Variants in SNIP1 observed in about 807,000 individuals in gnomAD.
The protein encoded by SNIP1 is Smad nuclear interacting protein 1.
In SNIP1, 23 loss-of-function variants were observed where a neutral mutation model predicts 37.4. The observed-to-expected ratio is 0.61, with a 90% CI of 0.44 to 0.87. The LOEUF (loss-of-function observed/expected upper bound fraction) is 0.87, where lower values mean the gene tolerates loss of function less well. SNIP1 is among the 40% of genes least tolerant of loss of function. The pLI, the probability that SNIP1 is intolerant of heterozygous loss-of-function variation, is 0.00. For missense variants in SNIP1, 459 were observed against 540.4 expected (o/e 0.85, Z 1.49); for synonymous variants, 174 against 200.0 (o/e 0.87, Z 1.10).
intron 2 of SNIP1, among the ~76,000 whole-genome samples, chr1:37,552,170 CA>C (rs565257999): frequency 1.8e-3 from 270 of 152,124 alleles, no homozygotes; most frequent in African/African-American, 6.1e-3. Flanking sequence ...CTTGAAATGA[CA>C]AAATTATAGA....
rs950749390 is a variant in SNIP1 at position 37,537,778 on chromosome 1, C to G, written c.1161G>C (p.Glu387Asp). Residue 387 changes from glutamate (E) to aspartate (D), a missense_variant, in exon 4 of 4, where the codon GAG (glutamate) becomes GAC (aspartate). Transcript: ENST00000296215. ...SEIDRKDDEDEEEEEEVSDS is the reference protein window; with the variant it reads ...SEIDRKDDEDDEEEEEVSDS ...TGTCAGACACTTCTTCCTCCTCCTC[C>G]TCATCCTCGTCATCTTTCCTGTCTA... 1 of 1,614,064 alleles carries G rather than the reference C, an allele frequency of 6.2e-7. No homozygotes were observed. The highest frequency in any genetic ancestry group is 8.5e-7 in the Non-Finnish European group (1 of 1,179,940).
At chr1:37,543,018 C>T (rs1268913537) in intron 2 of SNIP1, among the ~76,000 whole-genome samples, 2 of 150,860 alleles carry the variant, frequency 1.3e-5, no homozygotes, top group Admixed American at 1.3e-4. Context: ...TATGATCATA[C>T]CACTGCAGTC....
chr1:37,549,587 A>AT (rs1643279594), intron 2 of SNIP1, among the ~76,000 whole-genome samples: 1 of 152,052 alleles, frequency 6.6e-6, no homozygotes, highest in Non-Finnish European at 1.5e-5. Context: ...TAATTTTTGT[A>AT]TTTTTTGTAC....
Position 37,536,976 on chromosome 1 carries a change from A to G in SNIP1, c.*772T>C, listed in dbSNP as rs1643105393. 1 of 152,258 alleles carries G rather than the reference A, an allele frequency of 6.6e-6. No individual in the cohort carries two copies. Among genetic ancestry groups the G allele is most frequent in the African/African-American group, 2.4e-5 (1 of 41,462 alleles). 9.4% of individuals were successfully genotyped at this position (152,258 alleles called of 1,614,324 possible). On this transcript the variant is annotated 3_prime_UTR_variant, in exon 4 of 4. Coordinates refer to ENST00000296215, the MANE Select transcript of SNIP1 (RefSeq NM_024700.4). ...AAAATGCAAAACTGAAGTACAGTTA[A>G]TATGATCAAAATTGTTGTGTACATG... is the stretch of plus-strand genomic sequence containing the variant.
intron 2 of SNIP1, among the ~76,000 whole-genome samples, chr1:37,551,074 GACACACACAC>G (rs55724495): frequency 3.1e-4 from 44 of 143,922 alleles, no homozygotes; most frequent in African/African-American, 6.2e-4. Context: ...CAGCCTGGGT[GACACACACAC>G]ACACACACAC....
chr1:37,544,062 T>C (rs1643201769), intron 2 of SNIP1, among the ~76,000 whole-genome samples: 1 of 151,728 alleles, frequency 6.6e-6, no homozygotes, highest in South Asian at 2.1e-4. Context: ...GGAGAATCAC[T>C]TGAACCCAGA....
In SNIP1 at chr1:37,554,240, T is replaced by C. The variant is rs750631387; in HGVS notation, c.-11A>G. The C allele has an allele frequency of 6.3e-7, 1 of 1,586,000 alleles. No homozygotes were observed. The highest frequency in any genetic ancestry group is 1.7e-5 in the Admixed American group (1 of 57,518). On this transcript the variant is annotated 5_prime_UTR_variant, in exon 1 of 4. Transcript: ENST00000296215. ...CTTCACCGCCTTCATTCTGTGATTT[T>C]GGCTGGGCGAAAGAAAACAGATCAG...
chr1:37,545,156 C>T (rs1002565509), intron 2 of SNIP1: 1 of 720,092 alleles, frequency 1.4e-6, no homozygotes, highest in Non-Finnish European at 2.6e-6. Flanking sequence ...TTCACTGAAA[C>T]ACATTACCTG....
At chr1:37,553,155 C>T (rs1643323517) in intron 1 of SNIP1, among the ~76,000 whole-genome samples, 1 of 152,172 alleles carries the variant, frequency 6.6e-6, no homozygotes, top group South Asian at 2.1e-4. Flanking sequence ...ATTCCTACCA[C>T]CCACCTTCTT....
intron 2 of SNIP1, among the ~76,000 whole-genome samples, chr1:37,546,723 G>A (rs79255867): frequency 6.6e-6 from 1 of 152,212 alleles, no homozygotes; most frequent in East Asian, 1.9e-4. Flanking sequence ...TAAAAATTCA[G>A]TTCCCAATTC....
intron 2 of SNIP1, 95 bp downstream of exon 2, chr1:37,552,550 G>C: frequency 9.6e-7 from 1 of 1,038,142 alleles, no homozygotes. Flanking sequence ...ACGTGCACAT[G>C]TGTGCACACA....
At chr1:37,544,708 C>T (rs901161719) in intron 2 of SNIP1, 7 of 599,956 alleles carry the variant, frequency 1.2e-5, no homozygotes, top group East Asian at 6.4e-5. Flanking sequence ...CCAAGGCCCC[C>T]GCCGCCACTC....
rs545664149 is a variant in SNIP1, at chr1:37,537,628, G to C, written c.*120C>G. Reference sequence around the variant, plus strand: ...GGTCAGCAACAGAGGAAAGACTTAAGGCAGTAAGAGGCATTACAGAGAGCA... The same window carrying C: ...GGTCAGCAACAGAGGAAAGACTTAACGCAGTAAGAGGCATTACAGAGAGCA... On this transcript the variant is annotated 3_prime_UTR_variant, in exon 4 of 4. Coordinates refer to ENST00000296215, the MANE Select transcript of SNIP1 (RefSeq NM_024700.4). 7.8e-6 allele frequency: 8 copies of C among 1,027,398 alleles called. No homozygotes were observed. In the Admixed American group the frequency reaches 1.2e-4, roughly 15 times the overall value. The allele number at this position is 1,027,398 out of a possible 1,614,324, so 63.6% of individuals were successfully genotyped here. A position where few individuals can be genotyped will look rare whatever the true frequency, so the allele number is the denominator to read the frequency against.
Position 37,540,255 on chromosome 1 carries a change from A to C in SNIP1, c.828T>G (p.His276Gln). The change falls in exon 3 of 4, where the codon CAT becomes CAG. Residue 276 changes from histidine (H) to glutamine (Q), a missense_variant. By Grantham distance (24) the His-to-Gln change is conservative. Coordinates refer to ENST00000296215, the MANE Select transcript of SNIP1 (RefSeq NM_024700.4). The surrounding 1 kb of genome is among the most constrained non-coding windows in gnomAD (Gnocchi z 5.6). ...NDEVLPVMYI[H>Q]RQSAYLLGRH... is the part of the protein sequence containing the mutation. ...GACCCAGTAGGTACGCACTCTGTCG[A>C]TGTATGTACATGACTGGAAGCACCT... The C allele has an allele frequency of 1.2e-6, 2 of 1,614,112 alleles. No homozygotes were observed. Among genetic ancestry groups the C allele is most frequent in the Non-Finnish European group, 1.7e-6 (2 of 1,180,014 alleles).
At chr1:37,552,921 T>C (rs978405006) in intron 1 of SNIP1, among the ~76,000 whole-genome samples, 174 bp from the exon 2 acceptor site, 4 of 152,150 alleles carry the variant, frequency 2.6e-5, no homozygotes, top group Non-Finnish European at 5.9e-5. Context: ...TCCCTTGCAT[T>C]CCATACTCAC....
At position 37,540,309 on chromosome 1, in the gene SNIP1, C is replaced by A. The variant is rs745306911; in HGVS notation, c.774G>T (p.Arg258=). Residue 258 remains arginine, a synonymous_variant, in exon 3 of 4, where the codon CGG becomes CGT. Transcript: ENST00000296215. The surrounding 1 kb of genome is among the most constrained non-coding windows in gnomAD (Gnocchi z 5.6). The part of the protein sequence containing the change: ...EPPEARIPKK[R]WRLYPFKNDE... ...CATTTTTAAATGGGTAGAGACGCCA[C>A]CGTTTTTTGGGGATACGTGCTTCTG... 2.5e-6 allele frequency: 4 copies of A among 1,614,130 alleles called. No individual in the cohort carries two copies. Among genetic ancestry groups the A allele is most frequent in the Non-Finnish European group, 3.4e-6 (4 of 1,180,034 alleles).
At chr1:37,546,926 G>A (rs1643246002) in intron 2 of SNIP1, among the ~76,000 whole-genome samples, 1 of 152,144 alleles carries the variant, frequency 6.6e-6, no homozygotes, top group African/African-American at 2.4e-5. Flanking sequence ...TCCTTCTAAT[G>A]GCTTCAAGTT....
Position 37,554,114 on chromosome 1 carries a change from G to C in SNIP1, c.116C>G (p.Ala39Gly). The C allele has an allele frequency of 6.2e-7, 1 of 1,612,584 alleles. No individual in the cohort carries two copies. The highest frequency in any genetic ancestry group is 8.5e-7 in the Non-Finnish European group (1 of 1,179,546). Reference sequence around the variant, plus strand: ...GTCCGGACGGCGGTGGGCGGGAGGTGCGACTTCTGGGCTGAGACGCTCCTG... The same window carrying C: ...GTCCGGACGGCGGTGGGCGGGAGGTCCGACTTCTGGGCTGAGACGCTCCTG... ...VKQERLSPEV[A>G]PPAHRRPDHS... The change falls in exon 1 of 4, where the codon GCA becomes GGA. Residue 39 changes from alanine to glycine, a missense_variant. Physicochemically the swap from Ala to Gly is moderately conservative, Grantham distance 60. Coordinates refer to ENST00000296215, the MANE Select transcript of SNIP1 (RefSeq NM_024700.4).
intron 2 of SNIP1, among the ~76,000 whole-genome samples, chr1:37,551,022 G>A (rs908634958): frequency 6.6e-6 from 1 of 150,768 alleles, no homozygotes; most frequent in African/African-American, 2.5e-5. Context: ...TTGAACCTGG[G>A]AAGGGGAGAT....
Sources: gnomAD v4.1 joint callset for allele counts (sites outside exome capture counted in the v4.1 genomes callset) on GRCh38, gnomAD v4.1.1 for gene constraint, Gnocchi (gnomAD v3.1) non-coding constraint, MANE v1.5 for transcripts, NCBI Gene and HGNC (gene_info 2026-07-23, HGNC 2026-07-21) for gene names.